The following MED27 variants were observed in gnomAD, a reference collection of about 807,000 sequenced individuals.
MED27 encodes the protein mediator of RNA polymerase II transcription subunit 27.
In MED27, 30 loss-of-function variants were observed where a neutral mutation model predicts 38.2. That is an observed-to-expected ratio of 0.79 (90% confidence interval 0.59 to 1.07). MED27 has a LOEUF of 1.07. Ranked by LOEUF, MED27 falls within the 50% of genes least tolerant of loss-of-function variation. The probability of loss-of-function intolerance (pLI) is 0.00; values close to 1 mark genes in which losing one functional copy is unlikely to be tolerated. For missense variants in MED27, 289 were observed against 397.5 expected (o/e 0.73, Z 2.32); for synonymous variants, 122 against 153.5 (o/e 0.79, Z 1.52).
rs1244341758 is a variant in MED27, at chr9:131,984,009, T to C, written c.479+30328A>G. On this transcript the variant is annotated intron_variant, in intron 3 of 7. Transcript: ENST00000292035. ...CTCGTCTCAAGAGTAAGTCCAAGCCTTGGTGTTCACGGCCTCAACTTGTCT... is the reference window on the plus strand; with the variant it reads ...CTCGTCTCAAGAGTAAGTCCAAGCCCTGGTGTTCACGGCCTCAACTTGTCT... Among the ~76,000 whole-genome samples, 7 of 152,142 alleles carry C rather than the reference T, an allele frequency of 4.6e-5. No homozygotes were observed. In the East Asian group the frequency reaches 1.3e-3, roughly 29 times the overall value.
chr9:131,958,638 C>A (rs577927926), intron 3 of MED27, among the ~76,000 whole-genome samples: 1 of 152,328 alleles, frequency 6.6e-6, no homozygotes, highest in South Asian at 2.1e-4. Flanking sequence ...TTGCTTTGCT[C>A]TGCAGGCTGT....
chr9:131,937,829 CT>C (rs35317329), intron 4 of MED27, among the ~76,000 whole-genome samples: 51,000 of 145,132 alleles, frequency 0.35, 8,818 homozygotes, highest in African/African-American at 0.43. Context: ...CTGAGGCAGA[CT>C]TTTTTTTTTT....
At chr9:132,028,090 A>T (rs1373207273) in intron 2 of MED27, among the ~76,000 whole-genome samples, 1 of 152,148 alleles carries the variant, frequency 6.6e-6, no homozygotes, top group African/African-American at 2.4e-5. Context: ...CCTCACCAGC[A>T]TTCTACCACT....
intron 3 of MED27, among the ~76,000 whole-genome samples, chr9:131,985,192 C>T (rs1306407784): frequency 2.6e-5 from 4 of 152,088 alleles, no homozygotes; most frequent in Non-Finnish European, 2.9e-5. Context: ...TTTTGCTTTG[C>T]GGACTCTAAG....
chr9:132,012,469 C>T (rs1389231048), intron 3 of MED27, among the ~76,000 whole-genome samples: 1 of 152,184 alleles, frequency 6.6e-6, no homozygotes, highest in Non-Finnish European at 1.5e-5. Flanking sequence ...TACATTCCTC[C>T]TATCCTGGAA....
chr9:131,957,345 C>T (rs1295406569), intron 3 of MED27, among the ~76,000 whole-genome samples: 1 of 151,938 alleles, frequency 6.6e-6, no homozygotes, highest in Non-Finnish European at 1.5e-5. Flanking sequence ...GCTGCAATCT[C>T]CCGGGCACAA....
chr9:131,919,663 GCC>G (rs1830354611), intron 4 of MED27, among the ~76,000 whole-genome samples: 1 of 152,114 alleles, frequency 6.6e-6, no homozygotes, highest in South Asian at 2.1e-4. Context: ...TGCACACAGT[GCC>G]CAGCACAGGG....
At chr9:131,972,609 G>A (rs141312039) in intron 3 of MED27, among the ~76,000 whole-genome samples, 316 of 152,256 alleles carry the variant, frequency 2.1e-3, no homozygotes, top group Middle Eastern at 0.01. Context: ...CAATTGTCCC[G>A]CTTCTCTCCT....
chr9:131,954,605 T>C (rs990838354), intron 3 of MED27, among the ~76,000 whole-genome samples: 10 of 152,146 alleles, frequency 6.6e-5, no homozygotes, highest in African/African-American at 1.9e-4. Flanking sequence ...GAAACTCTTT[T>C]ATATTGTATA....
rs74996722 is a variant in MED27, at chr9:131,967,259, C to G, written c.480-27785G>C. Among the ~76,000 whole-genome samples the G allele has an allele frequency of 4.5e-3, 682 of 152,278 alleles. 9 individuals carry two copies. Among genetic ancestry groups the G allele is most frequent in the African/African-American group, 0.015 (634 of 41,550 alleles). On this transcript the variant is annotated intron_variant, in intron 3 of 7. Transcript: ENST00000292035. ...TGTTAATTCAAAATTTTCAGAAATG[C>G]ATGGTACAATTTTCGGAACTGTACC...
At chr9:131,953,818 C>CTT (rs35830214) in intron 3 of MED27, among the ~76,000 whole-genome samples, 6 of 135,310 alleles carry the variant, frequency 4.4e-5, no homozygotes, top group South Asian at 4.9e-4. Context: ...ACTTTTATAT[C>CTT]TTTTTTTTTT....
At chr9:131,927,198 C>T (rs932673460) in intron 4 of MED27, among the ~76,000 whole-genome samples, 15 of 152,152 alleles carry the variant, frequency 9.9e-5, no homozygotes, top group African/African-American at 3.6e-4. Context: ...TTACACAATA[C>T]CAAAACAGCC....
chr9:132,040,852 T>C lies in MED27; in HGVS notation c.349-26385A>G, dbSNP rs534346009. On this transcript the variant is annotated intron_variant, in intron 2 of 7. Transcript: ENST00000292035. ...CCTCCCATATGCTTTGTCAAACAACTAGGTGCTTCCATCATTTTCCCTCAT... is the reference window on the plus strand; with the variant it reads ...CCTCCCATATGCTTTGTCAAACAACCAGGTGCTTCCATCATTTTCCCTCAT... 1.2e-3 allele frequency among the ~76,000 whole-genome samples: 176 copies of C among 152,292 alleles called. 5 individuals are homozygous for C. Among genetic ancestry groups the C allele is most frequent in the Admixed American group, 0.011 (174 of 15,302 alleles).
chr9:131,890,266 A>G (rs901090604), intron 5 of MED27, among the ~76,000 whole-genome samples: 3 of 152,208 alleles, frequency 2.0e-5, no homozygotes, highest in African/African-American at 7.2e-5. Flanking sequence ...CCTTAAAATA[A>G]CAAAGAGGCC....
At chr9:131,868,981 C>T (rs930084471) in intron 6 of MED27, 2 of 985,346 alleles carry the variant, frequency 2.0e-6, no homozygotes, top group East Asian at 1.1e-4. Flanking sequence ...AGGCAAGGCA[C>T]CTAATTAGTT....
At chr9:132,026,554 G>T (rs753867946) in intron 2 of MED27, among the ~76,000 whole-genome samples, 3 of 152,144 alleles carry the variant, frequency 2.0e-5, no homozygotes, top group Non-Finnish European at 4.4e-5. Context: ...AGCCTTACTG[G>T]CCTAGCAGAA....
intron 3 of MED27, among the ~76,000 whole-genome samples, chr9:131,993,243 T>TTA (rs1554764391): frequency 1.3e-5 from 2 of 151,134 alleles, no homozygotes; most frequent in African/African-American, 4.9e-5. Context: ...TTTTTTTTTT[T>TTA]AAAAAATTCA....
At chr9:132,073,770 A>G in intron 2 of MED27, 3 of 1,266,848 alleles carry the variant, frequency 2.4e-6, no homozygotes, top group South Asian at 1.5e-5. Flanking sequence ...TCAAACGTGA[A>G]AAAAAAAAAA....
At chr9:132,039,584 C>T (rs930877388) in intron 2 of MED27, among the ~76,000 whole-genome samples, 1 of 152,196 alleles carries the variant, frequency 6.6e-6, no homozygotes, top group African/African-American at 2.4e-5. Context: ...GAGCTAAATT[C>T]ACCGCCAGTC....
Sources: gnomAD v4.1 joint callset for allele counts (sites outside exome capture counted in the v4.1 genomes callset) on GRCh38, gnomAD v4.1.1 for gene constraint, MANE v1.5 for transcripts, NCBI Gene and HGNC (gene_info 2026-07-23, HGNC 2026-07-21) for gene names.